The following RUNDC3B variants were observed in gnomAD, a reference collection of about 807,000 sequenced individuals.
RUNDC3B encodes the protein RUN domain-containing protein 3B.
A neutral mutation model predicts 58.4 loss-of-function variants in RUNDC3B; 33 were observed. The observed-to-expected ratio is 0.56, with a 90% CI of 0.43 to 0.75. The LOEUF is 0.75. RUNDC3B is among the 30% of genes least tolerant of loss of function. The pLI, the probability that RUNDC3B is intolerant of heterozygous loss-of-function variation, is 0.00. For synonymous variants in RUNDC3B, 193 were observed against 195.2 expected (o/e 0.99, Z 0.10); for missense variants, 501 against 535.7 (o/e 0.94, Z 0.64).
intron 8 of RUNDC3B, among the ~76,000 whole-genome samples, chr7:87,795,928 C>G (rs1387828732): frequency 6.6e-6 from 1 of 152,080 alleles, no homozygotes; most frequent in South Asian, 2.1e-4. Flanking sequence ...AATGTTACCC[C>G]ATATGATCCA....
intron 3 of RUNDC3B, among the ~76,000 whole-genome samples, chr7:87,701,458 A>T (rs1829027470): frequency 6.6e-6 from 1 of 152,220 alleles, no homozygotes; most frequent in South Asian, 2.1e-4. Context: ...ATGTATTTTT[A>T]AATTATTTAA....
At chr7:87,690,668 C>G (rs544668991) in intron 2 of RUNDC3B, among the ~76,000 whole-genome samples, 1 of 152,058 alleles carries the variant, frequency 6.6e-6, no homozygotes, top group East Asian at 1.9e-4. Context: ...AAATTTTCCT[C>G]CTATGTAAAT....
intron 8 of RUNDC3B, among the ~76,000 whole-genome samples, chr7:87,782,709 C>T (rs1365417870): frequency 6.6e-6 from 1 of 152,012 alleles, no homozygotes; most frequent in East Asian, 1.9e-4. Flanking sequence ...TCTGTCTTAA[C>T]TTCATTGTTT....
intron 9 of RUNDC3B, among the ~76,000 whole-genome samples, chr7:87,809,612 CTAATG>C (rs1306393649): frequency 6.6e-6 from 1 of 152,164 alleles, no homozygotes; most frequent in African/African-American, 2.4e-5. Flanking sequence ...TGTTTCTACT[CTAATG>C]TAATCCTGTA....
chr7:87,739,398 C>T (rs1164270725), intron 4 of RUNDC3B, among the ~76,000 whole-genome samples: 1 of 152,030 alleles, frequency 6.6e-6, no homozygotes, highest in Non-Finnish European at 1.5e-5. Flanking sequence ...CTCAAGTCTA[C>T]TTCATTTTGA....
chr7:87,731,416 A>G (rs1053341817), intron 4 of RUNDC3B, among the ~76,000 whole-genome samples: 5 of 152,202 alleles, frequency 3.3e-5, no homozygotes, highest in East Asian at 1.9e-4. Context: ...CCTATTTATC[A>G]ATAATAACAT....
intron 1 of RUNDC3B, among the ~76,000 whole-genome samples, chr7:87,630,694 T>C (rs931198421): frequency 6.6e-6 from 1 of 151,834 alleles, no homozygotes; most frequent in Non-Finnish European, 1.5e-5. Context: ...TAGTCTTTTT[T>C]TTTTTTTCTT....
chr7:87,806,220 A>T (rs1444604944), intron 8 of RUNDC3B, among the ~76,000 whole-genome samples: 1 of 152,136 alleles, frequency 6.6e-6, no homozygotes, highest in African/African-American at 2.4e-5. Flanking sequence ...TACCCCATAA[A>T]ATCAGAAATA....
intron 8 of RUNDC3B, among the ~76,000 whole-genome samples, chr7:87,788,162 C>A (rs946156678): frequency 7.2e-5 from 11 of 152,170 alleles, no homozygotes; most frequent in Non-Finnish European, 1.5e-4. Flanking sequence ...GTGGCTCATG[C>A]CAGTAATCCC....
chr7:87,717,761 T>C (rs1007403474), intron 4 of RUNDC3B, among the ~76,000 whole-genome samples: 1 of 152,194 alleles, frequency 6.6e-6, no homozygotes, highest in Admixed American at 6.5e-5. Flanking sequence ...TTTCAAAGCC[T>C]GGATAGTCCC....
intron 2 of RUNDC3B, among the ~76,000 whole-genome samples, chr7:87,671,764 G>A (rs1376432344): frequency 6.6e-6 from 1 of 152,120 alleles, no homozygotes; most frequent in African/African-American, 2.4e-5. Flanking sequence ...GTGCTGTGCT[G>A]GAGGTCCACT....
At chr7:87,723,417 T>G (rs543779669) in intron 4 of RUNDC3B, among the ~76,000 whole-genome samples, 2 of 152,316 alleles carry the variant, frequency 1.3e-5, no homozygotes, top group African/African-American at 4.8e-5. Flanking sequence ...GAAATGCCCA[T>G]TAGTAAATAA....
intron 6 of RUNDC3B, among the ~76,000 whole-genome samples, 162 bp downstream of exon 6, chr7:87,741,741 A>T (rs2130813311): frequency 6.6e-6 from 1 of 152,344 alleles, no homozygotes; most frequent in African/African-American, 2.4e-5. Flanking sequence ...TTTATTATTT[A>T]AAAAGCACAC....
At chr7:87,819,199 G>A (rs1374602219) in intron 10 of RUNDC3B, among the ~76,000 whole-genome samples, 1 of 152,116 alleles carries the variant, frequency 6.6e-6, no homozygotes, top group Non-Finnish European at 1.5e-5. Context: ...ACAAAAGCTT[G>A]AGTCAACACC....
intron 8 of RUNDC3B, among the ~76,000 whole-genome samples, chr7:87,794,783 A>G (rs1835726313): frequency 6.6e-6 from 1 of 152,204 alleles, no homozygotes; most frequent in South Asian, 2.1e-4. Flanking sequence ...ACATTAAAAA[A>G]GTGTAGACCA....
At chr7:87,706,648 T>C (rs1829617646) in intron 3 of RUNDC3B, among the ~76,000 whole-genome samples, 1 of 152,188 alleles carries the variant, frequency 6.6e-6, no homozygotes. Context: ...TGCTTTAGCC[T>C]AAAGTTGTTT....
At chr7:87,816,484 C>A (rs116420659) in intron 10 of RUNDC3B, among the ~76,000 whole-genome samples, 4 of 152,196 alleles carry the variant, frequency 2.6e-5, no homozygotes, top group African/African-American at 9.6e-5. Flanking sequence ...CATTTACTCA[C>A]TTCCTGTACT....
At chr7:87,658,169 GA>G (rs942247167) in intron 2 of RUNDC3B, among the ~76,000 whole-genome samples, 16 of 152,042 alleles carry the variant, frequency 1.1e-4, no homozygotes, top group Non-Finnish European at 1.5e-4. Flanking sequence ...AGAAACAAAT[GA>G]AAAAGTAGAA....
intron 4 of RUNDC3B, among the ~76,000 whole-genome samples, chr7:87,729,916 A>T (rs1271118980): frequency 6.6e-6 from 1 of 152,324 alleles, no homozygotes; most frequent in Admixed American, 6.5e-5. Flanking sequence ...TATCAGGAAC[A>T]GTCTTTGAGG....
Sources: gnomAD v4.1 joint callset for allele counts (sites outside exome capture counted in the v4.1 genomes callset) on GRCh38, gnomAD v4.1.1 for gene constraint, MANE v1.5 for transcripts, NCBI Gene and HGNC (gene_info 2026-07-23, HGNC 2026-07-21) for gene names.